Variants in ATAD5 observed in about 807,000 individuals in gnomAD.
ATAD5 encodes the protein ATPase family AAA domain containing 5, also known as ATPase family AAA domain-containing protein 5.
In ATAD5, 58 loss-of-function variants were observed where a neutral mutation model predicts 176.9. The ratio of observed to expected loss-of-function variants is 0.33; its 90% CI spans 0.27 to 0.41. The LOEUF (loss-of-function observed/expected upper bound fraction) is 0.41, where lower values mean the gene tolerates loss of function less well. Among genes scored for constraint, ATAD5 ranks in the 10% least tolerant of loss-of-function variants. The pLI, the probability that ATAD5 is intolerant of heterozygous loss-of-function variation, is 1.00. For missense variants in ATAD5, 1,789 were observed against 2,094.1 expected (o/e 0.85, Z 2.84); for synonymous variants, 640 against 712.6 (o/e 0.90, Z 1.62).
Position 30,835,933 on chromosome 17 carries a change from C to A in ATAD5, c.1852C>A (p.Gln618Lys). 1.2e-6 allele frequency: 2 copies of A among 1,614,090 alleles called. No individual in the cohort carries two copies. The highest frequency in any genetic ancestry group is 2.7e-5 in the African/African-American group (2 of 75,040). The change falls in exon 2 of 23, where the codon CAA (glutamine) becomes AAA (lysine). Residue 618 changes from glutamine (Q) to lysine (K), a missense_variant. Coordinates refer to ENST00000321990, the MANE Select transcript of ATAD5 (RefSeq NM_024857.5). ...TIRGIDSDDVQDNSQLKASTQ... is the reference protein window; with the variant it reads ...TIRGIDSDDVKDNSQLKASTQ... ...TAGAGGTATTGATTCTGACGATGTA[C>A]AAGATAATAGTCAACTAAAGGCTTC...
intron 10 of ATAD5, among the ~76,000 whole-genome samples, chr17:30,861,369 C>CT (rs991030134): frequency 9.4e-5 from 14 of 148,228 alleles, no homozygotes; most frequent in African/African-American, 9.9e-5. Flanking sequence ...CCTTCTCTCT[C>CT]TTTTTTTTTT....
Position 30,832,387 on chromosome 17 carries a change from C to G in ATAD5, c.40C>G (p.Pro14Ala). The change falls in exon 1 of 23, where the codon CCT (proline) becomes GCT (alanine). Residue 14 changes from proline to alanine, a missense_variant. Coordinates refer to ENST00000321990, the MANE Select transcript of ATAD5 (RefSeq NM_024857.5). The stretch of plus-strand genomic sequence containing the variant: ...GGCCATGGCGGCTGCAGCTGCTCCG[C>G]CTCCCGTGAAGGACTGCGAGATTGA... ...VLAMAAAAAP[P>A]PVKDCEIEPC... is the part of the protein sequence containing the mutation. 1.3e-6 allele frequency: 2 copies of G among 1,560,850 alleles called. No individual in the cohort carries two copies. The highest frequency in any genetic ancestry group is 2.5e-5 in the East Asian group (1 of 39,708).
chr17:30,887,449 G>C, intron 19 of ATAD5, 77 bp downstream of exon 19: 1 of 1,243,054 alleles, frequency 8.0e-7, no homozygotes, highest in Non-Finnish European at 1.1e-6. Flanking sequence ...GGGTGCAGTG[G>C]CTCATGCCTG....
At chr17:30,844,814 C>A (rs771966019) in intron 5 of ATAD5, 21 bp from the exon 6 acceptor site, 3 of 1,496,476 alleles carry the variant, frequency 2.0e-6, no homozygotes, top group South Asian at 1.2e-5. Flanking sequence ...TGATACTAAC[C>A]CAAGTATTTA....
At chr17:30,868,188 A>T (rs1249307406) in intron 11 of ATAD5, 145 bp from the exon 12 acceptor site, 2 of 551,182 alleles carry the variant, frequency 3.6e-6, no homozygotes, top group Non-Finnish European at 5.8e-6. Context: ...ACTAGTAAAA[A>T]TAACAAGAAA....
intron 4 of ATAD5, 121 bp downstream of exon 4, chr17:30,840,902 A>C (rs1278235351): frequency 4.1e-6 from 4 of 974,188 alleles, no homozygotes; most frequent in Non-Finnish European, 5.8e-6. Context: ...TGGTAGAGAG[A>C]ATATCATTTT....
intron 19 of ATAD5, among the ~76,000 whole-genome samples, chr17:30,888,401 G>A (rs1909433175): frequency 6.6e-6 from 1 of 151,754 alleles, no homozygotes. Flanking sequence ...AAAATTGGCT[G>A]GGCATGGTGG....
intron 18 of ATAD5, among the ~76,000 whole-genome samples, chr17:30,883,672 G>T (rs539761791): frequency 1.3e-5 from 2 of 151,810 alleles, no homozygotes; most frequent in African/African-American, 4.8e-5. Context: ...TCAGCCTCCC[G>T]AGTAGCTGGG....
Position 30,853,640 on chromosome 17 carries a change from A to G in ATAD5, c.2451-1503A>G, listed in dbSNP as rs530632597. Among the ~76,000 whole-genome samples the G allele has an allele frequency of 1.9e-3, 296 of 152,306 alleles. 1 individual carries two copies. Among genetic ancestry groups the G allele is most frequent in the African/African-American group, 6.8e-3 (281 of 41,554 alleles). ...TACCAGCCCAAATATCTAATTGCAC[A>G]GAATATTGTGAGTCTTGTTCTTTCT... On this transcript the variant is annotated intron_variant, in intron 6 of 22. Coordinates refer to ENST00000321990, the MANE Select transcript of ATAD5 (RefSeq NM_024857.5).
At chr17:30,837,497 T>G (rs1905821565) in intron 3 of ATAD5, among the ~76,000 whole-genome samples, 183 bp downstream of exon 3, 1 of 152,194 alleles carries the variant, frequency 6.6e-6, no homozygotes, top group Non-Finnish European at 1.5e-5. Context: ...AATTAAGATA[T>G]CTTATTGTGA....
intron 14 of ATAD5, among the ~76,000 whole-genome samples, chr17:30,871,971 G>T (rs947042104): frequency 6.6e-6 from 1 of 152,194 alleles, no homozygotes; most frequent in African/African-American, 2.4e-5. Flanking sequence ...GCCAAGGCTG[G>T]AGTGGAGTGG....
At chr17:30,849,242 A>G (rs187987785) in intron 6 of ATAD5, among the ~76,000 whole-genome samples, 6 of 152,228 alleles carry the variant, frequency 3.9e-5, no homozygotes, top group African/African-American at 1.2e-4. Context: ...ATTAATGGAC[A>G]TCTGGATTGT....
chr17:30,872,554 CTTTTTTT>C (rs976322580), intron 14 of ATAD5, among the ~76,000 whole-genome samples: 1 of 98,394 alleles, frequency 1.0e-5, no homozygotes, highest in African/African-American at 3.2e-5. Context: ...TTTCTTTTTT[CTTTTTTT>C]TTTTCTTTTT....
chr17:30,859,619 C>G (rs796797994), intron 9 of ATAD5, among the ~76,000 whole-genome samples: 32 of 152,218 alleles, frequency 2.1e-4, no homozygotes, highest in African/African-American at 7.7e-4. Flanking sequence ...CCTCAGCCTC[C>G]CAAATTGCTG....
intron 11 of ATAD5, among the ~76,000 whole-genome samples, chr17:30,867,255 C>G (rs769933958): frequency 2.6e-5 from 4 of 151,958 alleles, no homozygotes; most frequent in Non-Finnish European, 5.9e-5. Flanking sequence ...AAAAAAATAG[C>G]TGGGAATGAT....
chr17:30,881,450 C>G (rs1909007681), intron 18 of ATAD5, among the ~76,000 whole-genome samples: 1 of 152,166 alleles, frequency 6.6e-6, no homozygotes, highest in South Asian at 2.1e-4. Flanking sequence ...GAGACGCACA[C>G]CACCACGCCT....
chr17:30,878,211 C>T (rs1908783928), intron 17 of ATAD5, 115 bp downstream of exon 17: 2 of 725,258 alleles, frequency 2.8e-6, no homozygotes, highest in Non-Finnish European at 4.7e-6. Context: ...AAAATTGATA[C>T]TACTTTGGGT....
At position 30,855,190 on chromosome 17, in the gene ATAD5, C is replaced by T. The variant is rs201684026; in HGVS notation, c.2498C>T (p.Ala833Val). The T allele has an allele frequency of 3.3e-4, 540 of 1,612,808 alleles. No homozygotes were observed. The highest frequency in any genetic ancestry group is 4.1e-4 in the Non-Finnish European group (486 of 1,179,596). Residue 833 changes from alanine to valine, a missense_variant, in exon 7 of 23, where the codon GCA becomes GTA. Around this residue, in one of 6 missense-constraint regions of ATAD5, gnomAD observed 487 missense variants for 573.6 expected, o/e 0.85. Transcript: ENST00000321990. The stretch of plus-strand genomic sequence containing the variant: ...CAGGATTGTGATGTTCAATGTAAAG[C>T]AAAGCGTGACTTCCTAATGAGTGGT... ...KSQDCDVQCKAKRDFLMSGLP... is the reference protein window; with the variant it reads ...KSQDCDVQCKVKRDFLMSGLP...
In ATAD5 at chr17:30,893,551, A is replaced by C. The variant is rs749900077; in HGVS notation, c.4698A>C (p.Gln1566His). ...TGAAAAAGTCCCAGAAAAAGAAACA[A>C]AAGAAAACATTGGTAATATTAGATG... Reference protein sequence around the residue: ...QPLKKSQKKKQKKTLVILDDS... With the variant: ...QPLKKSQKKKHKKTLVILDDS... Residue 1566 changes from glutamine (Q) to histidine (H), a missense_variant, in exon 21 of 23, where the codon CAA (glutamine) becomes CAC (histidine). This residue lies in a region of ATAD5 where 403 missense variants were observed against 495.1 expected (regional missense o/e 0.81). Transcript: ENST00000321990. The C allele has an allele frequency of 1.2e-6, 2 of 1,612,070 alleles. No individual in the cohort carries two copies. The highest frequency in any genetic ancestry group is 2.2e-5 in the South Asian group (2 of 90,448).
Sources: allele counts gnomAD v4.1 joint callset (sites outside exome capture counted in the v4.1 genomes callset), GRCh38; gene constraint gnomAD v4.1.1; regional missense constraint gnomAD v4.1.1; transcripts MANE v1.5; gene names NCBI Gene and HGNC (gene_info 2026-07-23, HGNC 2026-07-21).